MSI2: variants seen among roughly 807,000 people sequenced by gnomAD.
MSI2 encodes the protein RNA-binding protein Musashi homolog 2.
Under a neutral mutation model 45.6 loss-of-function variants are expected in MSI2, and 17 were observed. The observed-to-expected ratio is 0.37, with a 90% CI of 0.26 to 0.56. The LOEUF is 0.56. Ranked by LOEUF, MSI2 falls within the 20% of genes least tolerant of loss-of-function variation. MSI2 has a pLI of 0.77. For missense variants in MSI2, 293 were observed against 444.2 expected (o/e 0.66, Z 3.06); for synonymous variants, 156 against 158.2 (o/e 0.99, Z 0.11).
At chr17:57,287,134 T>G (rs543750417) in intron 5 of MSI2, among the ~76,000 whole-genome samples, 175 of 151,734 alleles carry the variant, frequency 1.2e-3, no homozygotes, top group African/African-American at 4.1e-3. Context: ...AAAAGTTGTT[T>G]TTTTTTTTTT....
intron 6 of MSI2, among the ~76,000 whole-genome samples, chr17:57,475,430 A>G (rs1264133111): frequency 6.6e-6 from 1 of 152,164 alleles, no homozygotes; most frequent in Non-Finnish European, 1.5e-5. Flanking sequence ...GCTTCTGGTC[A>G]TTCCTCATCA....
rs533003970 is a variant in MSI2, at chr17:57,557,426, C to T, written c.454+27702C>T. ...CCCCAGGGGCCAAAGCCCCCTTTCC[C>T]GCTCCTGCCAGACTCTCATGCATAA... is the stretch of plus-strand genomic sequence containing the variant. On this transcript the variant is annotated intron_variant, in intron 7 of 13. Transcript: ENST00000284073. Among the ~76,000 whole-genome samples the T allele has an allele frequency of 7.9e-5, 12 of 152,372 alleles. No homozygotes were observed. In the South Asian group the frequency reaches 1.9e-3, roughly 24 times the overall value.
chr17:57,534,663 C>T (rs1195759936), intron 7 of MSI2, among the ~76,000 whole-genome samples: 1 of 152,118 alleles, frequency 6.6e-6, no homozygotes, highest in Admixed American at 6.5e-5. Context: ...TGCAGTGAGC[C>T]GAGATGGCGC....
chr17:57,399,878 C>T (rs1036876589), intron 5 of MSI2, among the ~76,000 whole-genome samples: 3 of 152,220 alleles, frequency 2.0e-5, no homozygotes, highest in African/African-American at 7.2e-5. Context: ...ACAGCACAGC[C>T]TGCCAGTAAC....
intron 5 of MSI2, among the ~76,000 whole-genome samples, chr17:57,395,588 G>C (rs2083874512): frequency 6.6e-6 from 1 of 152,148 alleles, no homozygotes; most frequent in East Asian, 1.9e-4. Context: ...GAGAAGTAGG[G>C]ATTTTAGAGG....
chr17:57,478,523 C>T (rs2085584851), intron 6 of MSI2, among the ~76,000 whole-genome samples: 1 of 152,208 alleles, frequency 6.6e-6, no homozygotes, highest in Non-Finnish European at 1.5e-5. Flanking sequence ...ACTACTATCT[C>T]CCCGACAAAA....
chr17:57,389,996 G>A (rs146491110), intron 5 of MSI2, among the ~76,000 whole-genome samples: 1 of 152,032 alleles, frequency 6.6e-6, no homozygotes, highest in East Asian at 1.9e-4. Context: ...CCAGCCCTTT[G>A]GGAAGCTGAG....
chr17:57,695,069 A>C, the MSI2 span, among the ~76,000 whole-genome samples: 150 of 152,348 alleles, frequency 9.8e-4, no homozygotes, highest in Non-Finnish European at 1.3e-4. Flanking sequence ...GTCATAGCTG[A>C]AAAAGCACTT....
At position 57,684,230 on chromosome 17, in the gene MSI2, G is replaced by T. The variant is rs898216821; in HGVS notation, c.*4713G>T. The T allele has an allele frequency of 4.8e-6, 1 of 208,178 alleles. No individual in the cohort carries two copies. Among genetic ancestry groups the T allele is most frequent in the East Asian group, 7.1e-5 (1 of 13,988 alleles). 12.9% of individuals were successfully genotyped at this position (208,178 alleles called of 1,614,324 possible). Reference sequence around the variant, plus strand: ...ATCTGTGAGTGTCCTCTTAAGTAGCGTGGGCTAGCCAATCTGCCGTTCATG... The same window carrying T: ...ATCTGTGAGTGTCCTCTTAAGTAGCTTGGGCTAGCCAATCTGCCGTTCATG... On this transcript the variant is annotated 3_prime_UTR_variant, in exon 14 of 14. Coordinates refer to ENST00000284073, the MANE Select transcript of MSI2 (RefSeq NM_138962.4).
chr17:57,514,925 C>T (rs907342277), intron 6 of MSI2, among the ~76,000 whole-genome samples: 6 of 152,160 alleles, frequency 3.9e-5, no homozygotes, highest in African/African-American at 1.4e-4. Flanking sequence ...CCCCAAACCA[C>T]ATATGGGCCA....
chr17:57,340,906 A>G (rs1026822703), intron 5 of MSI2, among the ~76,000 whole-genome samples: 2 of 152,150 alleles, frequency 1.3e-5, no homozygotes, highest in African/African-American at 4.8e-5. Context: ...CTTGGCTTGA[A>G]GCCCTGGCAG....
intron 6 of MSI2, among the ~76,000 whole-genome samples, chr17:57,436,418 A>G (rs973667940): frequency 6.6e-6 from 1 of 152,188 alleles, no homozygotes; most frequent in Non-Finnish European, 1.5e-5. Flanking sequence ...TGTGTTCACA[A>G]ATGTGTGGGA....
At chr17:57,329,749 G>C (rs1406336362) in intron 5 of MSI2, among the ~76,000 whole-genome samples, 2 of 152,212 alleles carry the variant, frequency 1.3e-5, no homozygotes. Flanking sequence ...CCAGCAGGCT[G>C]TTTAAAGTAT....
At chr17:57,619,421 T>C (rs1379323635) in intron 9 of MSI2, among the ~76,000 whole-genome samples, 1 of 152,154 alleles carries the variant, frequency 6.6e-6, no homozygotes, top group Non-Finnish European at 1.5e-5. Flanking sequence ...TCATAGAGTC[T>C]GGGGGTGGTT....
chr17:57,287,616 A>G (rs562216259), intron 5 of MSI2, among the ~76,000 whole-genome samples: 1 of 152,292 alleles, frequency 6.6e-6, no homozygotes, highest in Admixed American at 6.5e-5. Context: ...AGCCCAGGGA[A>G]GAGGCCTGTG....
At position 57,680,839 on chromosome 17, in the gene MSI2, A is replaced by C. The variant is rs1404599070; in HGVS notation, c.*1322A>C. On this transcript the variant is annotated 3_prime_UTR_variant, in exon 14 of 14. Coordinates refer to ENST00000284073, the MANE Select transcript of MSI2 (RefSeq NM_138962.4). ...TTTTCTATTGTCCAATCATTTCAGC[A>C]CCTCCAAAGGTCCCTAGGACACTTT... 3.4e-5 allele frequency: 7 copies of C among 206,172 alleles called. No individual in the cohort carries two copies. In the Admixed American group the frequency reaches 4.2e-4, roughly 12 times the overall value. 12.8% of individuals were successfully genotyped at this position (206,172 alleles called of 1,614,324 possible).
chr17:57,423,188 T>C (rs1333550910), intron 6 of MSI2, among the ~76,000 whole-genome samples: 3 of 152,356 alleles, frequency 2.0e-5, no homozygotes, highest in Admixed American at 6.5e-5. Context: ...TGGGATGGCT[T>C]ATGAAAATTA....
chr17:57,502,669 C>G (rs573310901), intron 6 of MSI2, among the ~76,000 whole-genome samples: 81 of 133,336 alleles, frequency 6.1e-4, no homozygotes, highest in African/African-American at 2.1e-3. Context: ...AAGGTCTGGG[C>G]TCTAGATTTA....
intron 6 of MSI2, among the ~76,000 whole-genome samples, chr17:57,415,055 G>C (rs559177812): frequency 6.6e-6 from 1 of 152,148 alleles, no homozygotes; most frequent in Non-Finnish European, 1.5e-5. Flanking sequence ...GAGGTACCAG[G>C]GTAGGTCAGT....
Sources: gnomAD v4.1 joint callset for allele counts (sites outside exome capture counted in the v4.1 genomes callset) on GRCh38, gnomAD v4.1.1 for gene constraint, MANE v1.5 for transcripts, NCBI Gene and HGNC (gene_info 2026-07-23, HGNC 2026-07-21) for gene names.